The following GPC3 variants were observed in gnomAD, a reference collection of about 807,000 sequenced individuals.
GPC3 encodes the protein glypican 3, also known as glypican-3.
In GPC3, 3 loss-of-function variants were observed where a neutral mutation model predicts 34.4. That is an observed-to-expected ratio of 0.09 (90% CI 0.04 to 0.23). The LOEUF is 0.23. Ranked by LOEUF, GPC3 falls within the 10% of genes least tolerant of loss-of-function variation. The pLI, the probability that GPC3 is intolerant of heterozygous loss-of-function variation, is 1.00. For synonymous variants in GPC3, 177 were observed against 174.0 expected (o/e 1.02, Z -0.13); for missense variants, 351 against 445.6 (o/e 0.79, Z 1.91).
intron 2 of GPC3, among the ~76,000 whole-genome samples, chrX:133,840,085 A>G (rs970794728): frequency 9.0e-5 from 10 of 111,181 alleles, no homozygotes; most frequent in Non-Finnish European, 1.7e-4. Context: ...TTCGAGCTCT[A>G]TCACAAGCTT....
In GPC3 at chrX:133,608,206, G is replaced by A. The variant is rs556725909; in HGVS notation, c.1414-11607C>T. The stretch of plus-strand genomic sequence containing the variant: ...GCAAGGCACCCTTGCGGGCCACCAA[G>A]TTCAAATTCTCCCTGAAGGTCTCTG... On this transcript the variant is annotated intron_variant, in intron 6 of 7. Coordinates refer to ENST00000370818, the MANE Select transcript of GPC3 (RefSeq NM_004484.4). 2.4e-4 allele frequency among the ~76,000 whole-genome samples: 27 copies of A among 113,044 alleles called. No individual in the cohort carries two copies. The South Asian group carries it at 9.8e-3, about 41-fold the overall frequency.
intron 7 of GPC3, among the ~76,000 whole-genome samples, chrX:133,552,957 G>A (rs1232145778): frequency 9.0e-6 from 1 of 111,649 alleles, no homozygotes; most frequent in Admixed American, 9.5e-5. Flanking sequence ...TCAAACTCAC[G>A]GCTATAAAGA....
intron 7 of GPC3, among the ~76,000 whole-genome samples, chrX:133,594,654 G>A (rs887358253): frequency 1.8e-5 from 2 of 111,230 alleles, no homozygotes; most frequent in Non-Finnish European, 3.8e-5. Flanking sequence ...CATATATGAG[G>A]TGTCTAAAGT....
chrX:133,682,631 T>A (rs1485545526), intron 5 of GPC3, among the ~76,000 whole-genome samples: 1 of 111,814 alleles, frequency 8.9e-6, no homozygotes, highest in Non-Finnish European at 1.9e-5. Context: ...ATATTAAATG[T>A]CCTGCCCAAA....
At chrX:133,648,207 C>G (rs987132688) in intron 6 of GPC3, among the ~76,000 whole-genome samples, 1 of 110,852 alleles carries the variant, frequency 9.0e-6, no homozygotes, top group Non-Finnish European at 1.9e-5. Flanking sequence ...CGGCTCAGGA[C>G]AGCAGTGAAT....
intron 3 of GPC3, among the ~76,000 whole-genome samples, chrX:133,723,213 T>C (rs910602953): frequency 1.3e-4 from 15 of 111,369 alleles, no homozygotes; most frequent in African/African-American, 4.9e-4. Flanking sequence ...TCCATATGTC[T>C]AGACTCACAG....
intron 1 of GPC3, among the ~76,000 whole-genome samples, chrX:133,964,178 T>C (rs756663560): frequency 1.8e-5 from 2 of 112,377 alleles, no homozygotes; most frequent in African/African-American, 3.2e-5. Context: ...CTTCAGAGAA[T>C]ATCTCATCTG....
intron 6 of GPC3, among the ~76,000 whole-genome samples, chrX:133,656,960 G>A (rs73239397): frequency 8.9e-6 from 1 of 111,746 alleles, no homozygotes; most frequent in Non-Finnish European, 1.9e-5. Flanking sequence ...ACAAATCATG[G>A]AATCACACGG....
At chrX:133,955,914 T>C (rs752238389) in intron 1 of GPC3, among the ~76,000 whole-genome samples, 35 of 111,981 alleles carry the variant, frequency 3.1e-4, no homozygotes, top group Non-Finnish European at 5.8e-4. Flanking sequence ...GAAAATTTAT[T>C]TTTATTACAA....
At chrX:133,844,720 T>A (rs1384908572) in intron 2 of GPC3, among the ~76,000 whole-genome samples, 8 of 112,002 alleles carry the variant, frequency 7.1e-5, no homozygotes, top group African/African-American at 2.6e-4. Context: ...TCCCAACACA[T>A]CCCCTCACCC....
At chrX:133,846,344 C>T (rs1350625454) in intron 2 of GPC3, among the ~76,000 whole-genome samples, 1 of 111,807 alleles carries the variant, frequency 8.9e-6, no homozygotes, top group Admixed American at 9.5e-5. Context: ...TACACTGGAC[C>T]TCGAAAACAT....
intron 3 of GPC3, among the ~76,000 whole-genome samples, chrX:133,726,628 C>T (rs764081917): frequency 6.3e-5 from 7 of 111,511 alleles, no homozygotes; most frequent in Non-Finnish European, 1.1e-4. Context: ...TATTACCTCA[C>T]CTTCCTACTC....
rs764239961 is a variant in GPC3, at chrX:133,871,743, C to T, written c.337+81307G>A. Among the ~76,000 whole-genome samples the T allele has an allele frequency of 7.1e-5, 8 of 112,078 alleles. No homozygotes were observed. In the East Asian group the frequency reaches 8.4e-4, roughly 12 times the overall value. ...CCTCAAGTAGTGCAACTGTACAGTA[C>T]ATGATAAGTAGAATCCTACCGCCTC... On this transcript the variant is annotated intron_variant, in intron 2 of 7. Coordinates refer to ENST00000370818, the MANE Select transcript of GPC3 (RefSeq NM_004484.4).
At chrX:133,760,969 A>C (rs1477458950) in intron 2 of GPC3, among the ~76,000 whole-genome samples, 1 of 108,975 alleles carries the variant, frequency 9.2e-6, no homozygotes, top group African/African-American at 3.5e-5. Context: ...TAATCTTTTA[A>C]ATTTTTTTTT....
chrX:133,701,222 C>T (rs767204002), intron 3 of GPC3, among the ~76,000 whole-genome samples: 3 of 111,387 alleles, frequency 2.7e-5, no homozygotes, highest in Non-Finnish European at 5.6e-5. Flanking sequence ...CAAGCAAAAG[C>T]CTAAATGAAC....
chrX:133,638,059 A>G (rs1194382463), intron 6 of GPC3, among the ~76,000 whole-genome samples: 1 of 111,706 alleles, frequency 9.0e-6, no homozygotes, highest in Non-Finnish European at 1.9e-5. Flanking sequence ...AATGCAGCAC[A>G]AAGTGTCAGG....
At chrX:133,872,235 ATTTT>A (rs1322084499) in intron 2 of GPC3, among the ~76,000 whole-genome samples, 1 of 108,275 alleles carries the variant, frequency 9.2e-6, no homozygotes, top group Non-Finnish European at 1.9e-5. Flanking sequence ...AACCCCATGT[ATTTT>A]TTTTTTCTCT....
In GPC3 at chrX:133,702,597, C is replaced by T. The variant is rs999212043; in HGVS notation, c.1033-2569G>A. ...CTTTAAAGTTTTTAACCCCCTCCCC[C>T]CTCACCAACCCCAACCTACTGGAAA... On this transcript the variant is annotated intron_variant, in intron 3 of 7. Transcript: ENST00000370818. Among the ~76,000 whole-genome samples the T allele has an allele frequency of 2.2e-4, 24 of 111,474 alleles. 1 individual carries two copies. In the South Asian group the frequency reaches 8.8e-3, roughly 41 times the overall value.
chrX:133,593,015 G>A (rs997666729), intron 7 of GPC3, among the ~76,000 whole-genome samples: 2 of 111,272 alleles, frequency 1.8e-5, no homozygotes, highest in Non-Finnish European at 3.8e-5. Context: ...AGAAAAAAAG[G>A]TCAATCTCTA....
Sources: gnomAD v4.1 joint callset for allele counts (sites outside exome capture counted in the v4.1 genomes callset) on GRCh38, gnomAD v4.1.1 for gene constraint, MANE v1.5 for transcripts, NCBI Gene and HGNC (gene_info 2026-07-23, HGNC 2026-07-21) for gene names.